NOL4: variants seen among roughly 807,000 people sequenced by gnomAD.
NOL4 encodes the protein nucleolar protein 4.
A neutral mutation model predicts 75.9 loss-of-function variants in NOL4; 17 were observed. That is an observed-to-expected ratio of 0.22 (90% CI 0.15 to 0.34). NOL4 has a LOEUF of 0.34. Among genes scored for constraint, NOL4 ranks in the 10% least tolerant of loss-of-function variants. NOL4 has a pLI of 1.00. For synonymous variants in NOL4, 292 were observed against 289.9 expected (o/e 1.01, Z -0.07); for missense variants, 614 against 793.5 (o/e 0.77, Z 2.72).
intron 1 of NOL4, among the ~76,000 whole-genome samples, chr18:34,188,293 G>C (rs1214084423): frequency 6.6e-6 from 1 of 152,120 alleles, no homozygotes; most frequent in African/African-American, 2.4e-5. Flanking sequence ...CATTAGCAGG[G>C]CAAATTCAGT....
chr18:33,965,870 T>C (rs1332783669), intron 6 of NOL4, among the ~76,000 whole-genome samples: 1 of 152,104 alleles, frequency 6.6e-6, no homozygotes, highest in Non-Finnish European at 1.5e-5. Context: ...CCCTGTCTCT[T>C]AAGAGAAATT....
chr18:34,201,183 AAC>A (rs1295467575), intron 1 of NOL4, among the ~76,000 whole-genome samples: 1 of 151,816 alleles, frequency 6.6e-6, no homozygotes, highest in Non-Finnish European at 1.5e-5. Flanking sequence ...CATTTCCAAA[AAC>A]ACATTTATTC....
At chr18:33,892,096 C>T (rs990911247) in intron 9 of NOL4, among the ~76,000 whole-genome samples, 1 of 151,928 alleles carries the variant, frequency 6.6e-6, no homozygotes, top group African/African-American at 2.4e-5. Flanking sequence ...AATTAAATAT[C>T]CCTGGAGCCA....
intron 1 of NOL4, among the ~76,000 whole-genome samples, chr18:34,205,501 A>T (rs1284983721): frequency 1.3e-5 from 2 of 152,110 alleles, no homozygotes; most frequent in Non-Finnish European, 2.9e-5. Flanking sequence ...AATAGAGATA[A>T]TTGAATGCCG....
chr18:33,900,296 G>C (rs1213608685), intron 9 of NOL4, among the ~76,000 whole-genome samples: 1 of 152,032 alleles, frequency 6.6e-6, no homozygotes, highest in Non-Finnish European at 1.5e-5. Flanking sequence ...TCATTACTGT[G>C]AGGACAGCAC....
intron 2 of NOL4, among the ~76,000 whole-genome samples, chr18:34,111,326 G>A (rs1600629262): frequency 1.3e-5 from 2 of 151,872 alleles, no homozygotes; most frequent in South Asian, 2.1e-4. Flanking sequence ...TTAAAAATAG[G>A]CTGCTATGTT....
At chr18:34,172,659 C>T (rs1450070002) in intron 1 of NOL4, among the ~76,000 whole-genome samples, 1 of 152,026 alleles carries the variant, frequency 6.6e-6, no homozygotes. Context: ...ACCAAGGTTC[C>T]CTTTTCTCCA....
chr18:33,895,411 T>C (rs942126850), intron 9 of NOL4, among the ~76,000 whole-genome samples: 5 of 152,116 alleles, frequency 3.3e-5, no homozygotes, highest in African/African-American at 4.8e-5. Context: ...AAAAACTCCA[T>C]ATTTAAAAAG....
rs747193329 is a variant in NOL4 at position 33,957,361 on chromosome 18, A to T, written c.1393T>A (p.Ser465Thr). 6.2e-7 allele frequency: 1 copy of T among 1,613,478 alleles called. No individual in the cohort carries two copies. Among genetic ancestry groups the T allele is most frequent in the Admixed American group, 1.7e-5 (1 of 59,946 alleles). The change falls in exon 8 of 11, where the codon TCC (serine) becomes ACC (threonine). Residue 465 changes from serine to threonine, a missense_variant. Ser to Thr is a moderately conservative substitution (Grantham distance 58). Coordinates refer to ENST00000261592, the MANE Select transcript of NOL4 (RefSeq NM_003787.5). ...CCACTTCTTTTCATCCGCCTGCAGG[A>T]CTTGAGGTAAGTACGTATACGTTTT... ...ARKRIRTYLK[S>T]CRRMKRSGFE...
chr18:34,051,537 G>A (rs948686867), intron 5 of NOL4, among the ~76,000 whole-genome samples: 5 of 152,032 alleles, frequency 3.3e-5, no homozygotes, highest in Admixed American at 2.6e-4. Context: ...TTTTATAAGA[G>A]AATGAGTTAT....
At chr18:34,162,761 T>G (rs919089581) in intron 1 of NOL4, among the ~76,000 whole-genome samples, 3 of 152,154 alleles carry the variant, frequency 2.0e-5, no homozygotes, top group Admixed American at 6.5e-5. Flanking sequence ...ATCATCCTGA[T>G]ACCAAAGCCC....
intron 1 of NOL4, among the ~76,000 whole-genome samples, chr18:34,186,951 A>G (rs1482277956): frequency 6.6e-6 from 1 of 152,222 alleles, no homozygotes; most frequent in Non-Finnish European, 1.5e-5. Context: ...GCTGTATCCT[A>G]TCATATATAT....
At chr18:33,973,130 G>T (rs554856641) in intron 6 of NOL4, among the ~76,000 whole-genome samples, 1 of 152,288 alleles carries the variant, frequency 6.6e-6, no homozygotes, top group Middle Eastern at 3.4e-3. Flanking sequence ...TTAAGCTTAA[G>T]CTTATGTAAT....
At chr18:33,970,796 T>C (rs2070994375) in intron 6 of NOL4, among the ~76,000 whole-genome samples, 1 of 152,084 alleles carries the variant, frequency 6.6e-6, no homozygotes. Flanking sequence ...GTTATTTCTC[T>C]CGGAGTTTCC....
At chr18:33,887,596 T>C (rs2064831098) in intron 9 of NOL4, among the ~76,000 whole-genome samples, 1 of 148,726 alleles carries the variant, frequency 6.7e-6, no homozygotes, top group African/African-American at 2.5e-5. Context: ...CAGGCGCCAG[T>C]GTGTGATGTT....
At chr18:34,076,676 C>T (rs2077759246) in intron 5 of NOL4, among the ~76,000 whole-genome samples, 1 of 152,084 alleles carries the variant, frequency 6.6e-6, no homozygotes, top group South Asian at 2.1e-4. Flanking sequence ...CCTATGCGTC[C>T]GAGTTCAAAG....
chr18:34,029,520 G>A (rs1367674502), intron 5 of NOL4, among the ~76,000 whole-genome samples: 1 of 152,136 alleles, frequency 6.6e-6, no homozygotes, highest in Non-Finnish European at 1.5e-5. Context: ...GCTTTCTCCA[G>A]ATGATCTATG....
chr18:33,947,709 C>T (rs2068936787), intron 8 of NOL4, among the ~76,000 whole-genome samples: 1 of 151,760 alleles, frequency 6.6e-6, no homozygotes, highest in South Asian at 2.1e-4. Context: ...ATGGTACCTA[C>T]CCTCATTAAT....
intron 2 of NOL4, among the ~76,000 whole-genome samples, chr18:34,109,892 C>T (rs775058084): frequency 3.3e-5 from 5 of 151,314 alleles, no homozygotes; most frequent in Admixed American, 2.0e-4. Context: ...GCCAACAAAT[C>T]GGATAACACA....
Sources: gnomAD v4.1 joint callset for allele counts (sites outside exome capture counted in the v4.1 genomes callset) on GRCh38, gnomAD v4.1.1 for gene constraint, MANE v1.5 for transcripts, NCBI Gene and HGNC (gene_info 2026-07-23, HGNC 2026-07-21) for gene names.